RGS7: variants seen among roughly 807,000 people sequenced by gnomAD.
RGS7 encodes the protein regulator of G protein signaling 7, also known as regulator of G-protein signaling 7.
RGS7 carries 27 observed loss-of-function variants against 81.1 expected under a neutral mutation model. The ratio of observed to expected loss-of-function variants is 0.33; its 90% CI spans 0.25 to 0.46. The LOEUF is 0.46. Among genes scored for constraint, RGS7 ranks in the 20% least tolerant of loss-of-function variants. RGS7 has a pLI of 1.00. For synonymous variants in RGS7, 208 were observed against 207.7 expected (o/e 1.00, Z -0.01); for missense variants, 396 against 607.4 (o/e 0.65, Z 3.66).
intron 2 of RGS7, among the ~76,000 whole-genome samples, chr1:241,256,926 TACAC>T (rs10552436): frequency 0.27 from 39,182 of 145,854 alleles, 5,192 homozygotes; most frequent in African/African-American, 0.33. Flanking sequence ...CCACTAGAAA[TACAC>T]ACACACACAC....
chr1:240,874,066 G>C (rs138726155), intron 6 of RGS7, among the ~76,000 whole-genome samples: 395 of 152,212 alleles, frequency 2.6e-3, no homozygotes, highest in African/African-American at 8.8e-3. Flanking sequence ...TAATAGACTC[G>C]AAGGAGGTGG....
intron 2 of RGS7, among the ~76,000 whole-genome samples, chr1:241,112,117 A>G (rs1384519040): frequency 6.6e-6 from 1 of 152,176 alleles, no homozygotes; most frequent in African/African-American, 2.4e-5. Context: ...CTCCATCTGA[A>G]GCCACAAGAG....
At position 241,182,717 on chromosome 1, in the gene RGS7, C is replaced by T. The variant is rs2071732504; in HGVS notation, c.79-83955G>A. On this transcript the variant is annotated intron_variant, in intron 2 of 18. Coordinates refer to ENST00000440928, the MANE Select transcript of RGS7 (RefSeq NM_001364886.1). ...AGGCTGGAGTGCAGTGATGTGATCT[C>T]GGCTCAGTGCAACCTCCGCCTTGCG... Among the ~76,000 whole-genome samples the T allele has an allele frequency of 3.4e-5, 5 of 146,918 alleles. No homozygotes were observed. In the East Asian group the frequency reaches 6.1e-4, roughly 18 times the overall value.
rs751796205 is a variant in RGS7 at position 240,868,968 on chromosome 1, T to C, written c.451-116A>G. On this transcript the variant is annotated intron_variant, in intron 7 of 18. Coordinates refer to ENST00000440928, the MANE Select transcript of RGS7 (RefSeq NM_001364886.1). The surrounding 1 kb of genome is among the most constrained non-coding windows in gnomAD (Gnocchi z 5.1). Reference sequence around the variant, plus strand: ...AATAGAGAGTTTCTAAAGCCCTAAGTGTACTGTGGTTCTCAATGATAAGTC... The same window carrying C: ...AATAGAGAGTTTCTAAAGCCCTAAGCGTACTGTGGTTCTCAATGATAAGTC... The C allele has an allele frequency of 6.7e-5, 61 of 904,336 alleles. No individual in the cohort carries two copies. The highest frequency in any genetic ancestry group is 2.3e-4 in the Middle Eastern group (1 of 4,326). 56.0% of individuals were successfully genotyped at this position (904,336 alleles called of 1,614,324 possible).
chr1:241,237,916 A>G (rs1472544747), intron 2 of RGS7, among the ~76,000 whole-genome samples: 1 of 152,210 alleles, frequency 6.6e-6, no homozygotes, highest in African/African-American at 2.4e-5. Context: ...CTGAGGCAAA[A>G]CCAGATTTAT....
intron 2 of RGS7, among the ~76,000 whole-genome samples, chr1:241,212,701 C>T (rs2074314428): frequency 2.0e-5 from 3 of 152,316 alleles, no homozygotes; most frequent in Non-Finnish European, 2.9e-5. Context: ...CCCAGATTTT[C>T]GGCCATTTGC....
intron 2 of RGS7, among the ~76,000 whole-genome samples, chr1:241,289,776 G>C (rs1322752159): frequency 6.6e-6 from 1 of 152,048 alleles, no homozygotes; most frequent in Non-Finnish European, 1.5e-5. Flanking sequence ...TCAAACAATT[G>C]GTGCTTGAAG....
rs568794380 is a variant in RGS7, at chr1:241,047,346, A to C, written c.175+51320T>G. 5.9e-4 allele frequency among the ~76,000 whole-genome samples: 89 copies of C among 152,134 alleles called. No individual in the cohort carries two copies. The South Asian group carries it at 0.015, about 26-fold the overall frequency. On this transcript the variant is annotated intron_variant, in intron 3 of 18. Transcript: ENST00000440928. ...TGCACAAATCTAAAATACTTGATCC[A>C]ACTCCCTTTCTTTTCCTCTTTCTTT...
At chr1:240,848,811 A>T (rs1659570610) in intron 9 of RGS7, among the ~76,000 whole-genome samples, 1 of 152,184 alleles carries the variant, frequency 6.6e-6, no homozygotes, top group Admixed American at 6.5e-5. Context: ...GAATGCCAAA[A>T]AGGGTTCTTT....
intron 9 of RGS7, among the ~76,000 whole-genome samples, chr1:240,854,437 A>G (rs1253038186): frequency 1.3e-5 from 2 of 152,162 alleles, no homozygotes; most frequent in African/African-American, 4.8e-5. Context: ...TGATGCTCTC[A>G]AATTTCAATC....
intron 2 of RGS7, among the ~76,000 whole-genome samples, chr1:241,264,532 T>TA (rs1285386080): frequency 1.3e-5 from 2 of 152,074 alleles, no homozygotes; most frequent in Non-Finnish European, 2.9e-5. Flanking sequence ...TATGTATTGA[T>TA]AAAAAACCCT....
chr1:240,789,414 A>T (rs1204619574), intron 18 of RGS7, among the ~76,000 whole-genome samples: 1 of 152,232 alleles, frequency 6.6e-6, no homozygotes, highest in Non-Finnish European at 1.5e-5. Flanking sequence ...AACAAGAGAG[A>T]TCACCTTAAA....
intron 3 of RGS7, among the ~76,000 whole-genome samples, chr1:241,096,188 T>C (rs1053608869): frequency 6.6e-6 from 1 of 152,106 alleles, no homozygotes; most frequent in Non-Finnish European, 1.5e-5. Flanking sequence ...CCATGAAACA[T>C]GCTCAGGGAG....
chr1:241,160,125 A>AAAAAG (rs1553271927), intron 2 of RGS7, among the ~76,000 whole-genome samples: 15 of 141,416 alleles, frequency 1.1e-4, no homozygotes, highest in East Asian at 4.0e-4. Flanking sequence ...AAAAAAAAAA[A>AAAAAG]AAAAAGAAAA....
At chr1:241,257,677 C>T (rs2077116328) in intron 2 of RGS7, among the ~76,000 whole-genome samples, 1 of 152,116 alleles carries the variant, frequency 6.6e-6, no homozygotes, top group Non-Finnish European at 1.5e-5. Flanking sequence ...GAGATTCTTT[C>T]TCCACCTTCT....
chr1:240,810,349 T>G (rs911758856), intron 14 of RGS7, among the ~76,000 whole-genome samples: 7 of 152,192 alleles, frequency 4.6e-5, no homozygotes, highest in African/African-American at 1.7e-4. Context: ...GATATCAGCA[T>G]GTTTTCAAAA....
chr1:241,266,375 C>A (rs756299697), intron 2 of RGS7, among the ~76,000 whole-genome samples: 51 of 152,192 alleles, frequency 3.4e-4, no homozygotes, highest in African/African-American at 1.2e-3. Flanking sequence ...AATTGGGTGC[C>A]TCATTAAATC....
At chr1:241,232,769 C>T (rs2075738175) in intron 2 of RGS7, among the ~76,000 whole-genome samples, 1 of 151,798 alleles carries the variant, frequency 6.6e-6, no homozygotes, top group South Asian at 2.1e-4. Flanking sequence ...ATAGAATCTT[C>T]CTATCTGTGA....
At chr1:241,312,756 A>T (rs769586287) in intron 2 of RGS7, among the ~76,000 whole-genome samples, 1 of 152,206 alleles carries the variant, frequency 6.6e-6, no homozygotes, top group Non-Finnish European at 1.5e-5. Flanking sequence ...GTGTTAAGTA[A>T]AAGGAAGAGT....
Sources: gnomAD v4.1 joint callset for allele counts (sites outside exome capture counted in the v4.1 genomes callset) on GRCh38, gnomAD v4.1.1 for gene constraint, Gnocchi (gnomAD v3.1) non-coding constraint, MANE v1.5 for transcripts, NCBI Gene and HGNC (gene_info 2026-07-23, HGNC 2026-07-21) for gene names.